ERAP1: variants seen among roughly 807,000 people sequenced by gnomAD.
The protein encoded by ERAP1 is adipocyte-derived leucine aminopeptidase.
ERAP1 carries 86 observed loss-of-function variants against 103.7 expected under a neutral mutation model. The ratio of observed to expected loss-of-function variants is 0.83; its 90% CI spans 0.70 to 0.99. ERAP1 has a LOEUF of 0.99. Ranked by LOEUF, ERAP1 falls within the 50% of genes least tolerant of loss-of-function variation. The pLI is 0.00. For synonymous variants in ERAP1, 398 were observed against 402.4 expected, an observed-to-expected ratio of 0.99 and a Z score of 0.13; for missense variants, 1,009 against 1,128.4, an observed-to-expected ratio of 0.89 and a Z score of 1.52.
chr5:96,882,643 A>G, the ERAP1 span, among the ~76,000 whole-genome samples: 1 of 152,132 alleles, frequency 6.6e-6, no homozygotes, highest in East Asian at 1.9e-4. Flanking sequence ...TGTTTTTTCA[A>G]TGTAGACTTG....
chr5:96,908,975 C>T, the ERAP1 span: 2 of 1,614,066 alleles, frequency 1.2e-6, no homozygotes, highest in Non-Finnish European at 1.7e-6. Context: ...GGGAGACTGA[C>T]CCTAGACAAA....
At chr5:96,795,245 C>A in intron 4 of ERAP1, 83 bp from the exon 5 acceptor site, 1 of 1,566,854 alleles carries the variant, frequency 6.4e-7, no homozygotes, top group South Asian at 1.1e-5. Flanking sequence ...ACATTAATGT[C>A]TTCATATTGT....
chr5:96,856,737 C>T, the ERAP1 span, among the ~76,000 whole-genome samples: 14 of 152,298 alleles, frequency 9.2e-5, no homozygotes, highest in African/African-American at 1.9e-4. Flanking sequence ...TCCCTACTTA[C>T]GGCATAGTTG....
At chr5:96,916,228 C>CA in the ERAP1 span, among the ~76,000 whole-genome samples, 4 of 117,046 alleles carry the variant, frequency 3.4e-5, no homozygotes, top group Non-Finnish European at 7.6e-5. Context: ...CTCAAAAAAA[C>CA]AAAAAACAAA....
At chr5:96,927,139 CA>C in the ERAP1 span, among the ~76,000 whole-genome samples, 1 of 152,118 alleles carries the variant, frequency 6.6e-6, no homozygotes, top group African/African-American at 2.4e-5. Context: ...TTTGAATGTG[CA>C]TAAGTTTTCT....
chr5:96,816,363 A>G, the ERAP1 span, among the ~76,000 whole-genome samples: 1 of 152,172 alleles, frequency 6.6e-6, no homozygotes, highest in African/African-American at 2.4e-5. Flanking sequence ...ATAGAGATGG[A>G]GGGTCTAGGG....
At chr5:96,871,279 C>T in the ERAP1 span, among the ~76,000 whole-genome samples, 6 of 152,210 alleles carry the variant, frequency 3.9e-5, no homozygotes, top group South Asian at 2.1e-4. Context: ...CTATTTGTTT[C>T]CTTCTCTCCA....
the ERAP1 span, among the ~76,000 whole-genome samples, chr5:96,829,606 C>T: frequency 6.6e-6 from 1 of 152,098 alleles, no homozygotes; most frequent in African/African-American, 2.4e-5. Flanking sequence ...ACAATCAGCT[C>T]AATATTAAAT....
chr5:96,859,745 TTTG>T, the ERAP1 span, among the ~76,000 whole-genome samples: 5 of 152,192 alleles, frequency 3.3e-5, no homozygotes, highest in Non-Finnish European at 5.9e-5. Flanking sequence ...TATCAAAGTT[TTTG>T]TTAACTGCTA....
chr5:96,921,748 C>T, the ERAP1 span, among the ~76,000 whole-genome samples: 2 of 152,152 alleles, frequency 1.3e-5, no homozygotes, highest in Non-Finnish European at 2.9e-5. Flanking sequence ...ACATGATTTC[C>T]CACACTTCAA....
chr5:96,930,517 G>A, the ERAP1 span, among the ~76,000 whole-genome samples: 1 of 142,680 alleles, frequency 7.0e-6, no homozygotes, highest in Admixed American at 6.7e-5. Flanking sequence ...CCCTCAGAGT[G>A]TCTGTTTCTG....
the ERAP1 span, among the ~76,000 whole-genome samples, chr5:96,826,751 C>T: frequency 6.6e-6 from 1 of 152,136 alleles, no homozygotes; most frequent in Non-Finnish European, 1.5e-5. Flanking sequence ...ATTTTTGACC[C>T]CTGCCTTGAA....
the ERAP1 span, among the ~76,000 whole-genome samples, chr5:96,878,477 A>G: frequency 6.6e-6 from 1 of 152,146 alleles, no homozygotes; most frequent in Non-Finnish European, 1.5e-5. Context: ...ATGAAGACAA[A>G]ATAGAGACAT....
At chr5:96,909,486 T>C in the ERAP1 span, 2 of 925,722 alleles carry the variant, frequency 2.2e-6, no homozygotes, top group African/African-American at 1.6e-5. Flanking sequence ...TTGGGAAAGA[T>C]GCAGAAAGTT....
the ERAP1 span, chr5:96,908,826 TA>T: frequency 1.1e-6 from 1 of 887,328 alleles, no homozygotes; most frequent in Non-Finnish European, 1.7e-6. Flanking sequence ...GTGGCAGAGC[TA>T]AGATTTAAAC....
chr5:96,840,595 C>T, the ERAP1 span, among the ~76,000 whole-genome samples: 1 of 152,172 alleles, frequency 6.6e-6, no homozygotes, highest in Non-Finnish European at 1.5e-5. Context: ...ATCTCAGTTG[C>T]TCTCAATCCT....
At chr5:96,826,272 T>C in the ERAP1 span, among the ~76,000 whole-genome samples, 1 of 152,270 alleles carries the variant, frequency 6.6e-6, no homozygotes, top group Admixed American at 6.5e-5. Context: ...GGTACATTAA[T>C]GTCCTCCCCC....
the ERAP1 span, chr5:96,900,273 C>T: frequency 2.6e-6 from 4 of 1,515,046 alleles, no homozygotes; most frequent in Admixed American, 4.0e-5. Context: ...AGTAGCCCAC[C>T]TGTCCCTTTT....
At chr5:96,883,181 G>A in the ERAP1 span, among the ~76,000 whole-genome samples, 5 of 152,270 alleles carry the variant, frequency 3.3e-5, no homozygotes, top group East Asian at 1.9e-4. Flanking sequence ...ACGTGAAGGC[G>A]TAGTTTGCAT....
Sources: allele counts gnomAD v4.1 joint callset (sites outside exome capture counted in the v4.1 genomes callset), GRCh38; gene constraint gnomAD v4.1.1; transcripts MANE v1.5; gene names NCBI Gene and HGNC (gene_info 2026-07-23, HGNC 2026-07-21).